PTPRF: variants seen among roughly 807,000 people sequenced by gnomAD.
The protein encoded by PTPRF is protein tyrosine phosphatase receptor type F.
A neutral mutation model predicts 201.8 loss-of-function variants in PTPRF; 59 were observed. The observed-to-expected ratio is 0.29, with a 90% CI of 0.24 to 0.36. The LOEUF (loss-of-function observed/expected upper bound fraction) is 0.36. Ranked by LOEUF, PTPRF falls within the 10% of genes least tolerant of loss-of-function variation. The pLI, the probability that PTPRF is intolerant of heterozygous loss-of-function variation, is 1.00. For missense variants in PTPRF, 2,132 were observed against 2,690.5 expected (o/e 0.79, Z 4.59); for synonymous variants, 1,088 against 1,089.7 (o/e 1.00, Z 0.03).
chr1:43,617,577 A>G lies in PTPRF; in HGVS notation c.4195+9A>G. 6.2e-7 allele frequency: 1 copy of G among 1,613,780 alleles called. No homozygotes were observed. The highest frequency in any genetic ancestry group is 8.5e-7 in the Non-Finnish European group (1 of 1,179,926). On this transcript the variant is annotated intron_variant, in intron 24 of 33. Coordinates refer to ENST00000359947, the MANE Select transcript of PTPRF (RefSeq NM_002840.5). ...CCTTACCTCTATCGATGGTGAGCCA[A>G]GGGGGTGCCCCTCCCATCCCCTTGC... is the stretch of plus-strand genomic sequence containing the variant.
At chr1:43,615,337 C>A (rs1292053142) in intron 23 of PTPRF, among the ~76,000 whole-genome samples, 1 of 152,180 alleles carries the variant, frequency 6.6e-6, no homozygotes, top group Non-Finnish European at 1.5e-5. Context: ...TCATCTGTAC[C>A]ATGTCCTACA....
chr1:43,567,427 A>G (rs1252000637), intron 5 of PTPRF, among the ~76,000 whole-genome samples: 5 of 152,334 alleles, frequency 3.3e-5, no homozygotes, highest in African/African-American at 1.2e-4. Flanking sequence ...CCAAGGAGAC[A>G]CTGGGTTTAT....
At chr1:43,606,105 G>A in intron 19 of PTPRF, 135 bp from the exon 20 acceptor site, 1 of 916,840 alleles carries the variant, frequency 1.1e-6, no homozygotes, top group Non-Finnish European at 1.6e-6. Flanking sequence ...GGGGCAGTGG[G>A]TTGGGCAGGT....
At chr1:43,590,334 C>G (rs545177672) in intron 8 of PTPRF, among the ~76,000 whole-genome samples, 2 of 152,330 alleles carry the variant, frequency 1.3e-5, no homozygotes, top group African/African-American at 4.8e-5. Flanking sequence ...CTCTCTTGTA[C>G]TGAGGTGTAA....
chr1:43,608,565 C>G (rs1655700105), intron 21 of PTPRF, among the ~76,000 whole-genome samples: 1 of 152,334 alleles, frequency 6.6e-6, no homozygotes, highest in African/African-American at 2.4e-5. Context: ...TGCTTCTTCT[C>G]TGGGGCACAT....
chr1:43,598,346 G>C (rs1652898479), intron 12 of PTPRF: 1 of 462,880 alleles, frequency 2.2e-6, no homozygotes, highest in African/African-American at 2.0e-5. Context: ...GATACTCAAA[G>C]TAGAATCAGC....
At position 43,541,742 on chromosome 1, in the gene PTPRF, A is replaced by G. The variant is rs1279871395; in HGVS notation, c.-45-3289A>G. On this transcript the variant is annotated intron_variant, in intron 2 of 33. Transcript: ENST00000359947. ...GCAGTTGGCAGCTTTACACTGACGT[A>G]GCAAAGGAAAAGGATATATTAAAAC... is the stretch of plus-strand genomic sequence containing the variant. 9.8e-5 allele frequency among the ~76,000 whole-genome samples: 15 copies of G among 152,372 alleles called. No homozygotes were observed. In the East Asian group the frequency reaches 2.7e-3, roughly 27 times the overall value.
chr1:43,605,418 C>T lies in PTPRF; in HGVS notation c.3364C>T (p.His1122Tyr), dbSNP rs1316134423. Residue 1122 changes from histidine to tyrosine, a missense_variant, in exon 18 of 34, where the codon CAT (histidine) becomes TAT (tyrosine). Around this residue, in one of 6 missense-constraint regions of PTPRF, gnomAD observed 818 missense variants for 915.3 expected, o/e 0.89. Coordinates refer to ENST00000359947, the MANE Select transcript of PTPRF (RefSeq NM_002840.5). ...EDGRFDLSMP[H>Y]VQDPSLVRWF... ...CGGCCGCTTCGATCTCTCCATGCCC[C>T]ATGTGCAAGACCCCTCGCTTGTCAG... 1.9e-6 allele frequency: 3 copies of T among 1,611,780 alleles called. No individual in the cohort carries two copies. The highest frequency in any genetic ancestry group is 3.3e-5 in the Admixed American group (2 of 59,992).
chr1:43,583,848 A>G (rs1342724201), intron 7 of PTPRF, among the ~76,000 whole-genome samples: 1 of 152,156 alleles, frequency 6.6e-6, no homozygotes, highest in Non-Finnish European at 1.5e-5. Flanking sequence ...CTTCCCAGCT[A>G]GCTCCCGTGT....
chr1:43,553,233 G>T lies in PTPRF; in HGVS notation c.92-259G>T, dbSNP rs765678945. On this transcript the variant is annotated intron_variant, in intron 3 of 33. Coordinates refer to ENST00000359947, the MANE Select transcript of PTPRF (RefSeq NM_002840.5). The surrounding 1 kb of genome is among the most constrained non-coding windows in gnomAD (Gnocchi z 4.1). ...CTTAGCTCTACCACTTACCAGCTGT[G>T]TCATATGGGACAAATCCCTTAACCT... is the stretch of plus-strand genomic sequence containing the variant. Among the ~76,000 whole-genome samples the T allele has an allele frequency of 7.9e-5, 12 of 152,196 alleles. No individual in the cohort carries two copies. The highest frequency in any genetic ancestry group is 1.6e-4 in the Non-Finnish European group (11 of 68,038).
intron 11 of PTPRF, among the ~76,000 whole-genome samples, chr1:43,597,379 A>T (rs1652587185): frequency 6.6e-6 from 1 of 152,130 alleles, no homozygotes; most frequent in Admixed American, 6.5e-5. Flanking sequence ...ACACTGTGAG[A>T]CACCAAGACA....
intron 21 of PTPRF, among the ~76,000 whole-genome samples, chr1:43,607,822 G>T (rs1276627174): frequency 6.6e-6 from 1 of 152,216 alleles, no homozygotes; most frequent in Non-Finnish European, 1.5e-5. Flanking sequence ...TCCATGCTCT[G>T]GTGCCTGCAA....
At position 43,588,251 on chromosome 1, in the gene PTPRF, C is replaced by T. The variant is rs1300419376; in HGVS notation, c.680-480C>T. ...TGACTCCACGGCAGGTGGCTGTGTC[C>T]CTCTGGACTGGCCTTCTGCTCTGCC... is the stretch of plus-strand genomic sequence containing the variant. On this transcript the variant is annotated intron_variant, in intron 7 of 33. Coordinates refer to ENST00000359947, the MANE Select transcript of PTPRF (RefSeq NM_002840.5). This position sits in a 1 kb window ranked among gnomAD's most constrained non-coding sequence, Gnocchi z 5.3. 6.6e-6 allele frequency among the ~76,000 whole-genome samples: 1 copy of T among 152,174 alleles called. No homozygotes were observed. The highest frequency in any genetic ancestry group is 2.4e-5 in the African/African-American group (1 of 41,444).
chr1:43,604,067 G>T lies in PTPRF; in HGVS notation c.2915G>T (p.Arg972Leu), dbSNP rs753655848. 6.2e-7 allele frequency: 1 copy of T among 1,614,188 alleles called. No individual in the cohort carries two copies. The highest frequency in any genetic ancestry group is 2.2e-5 in the East Asian group (1 of 44,888). Reference sequence around the variant, plus strand: ...CTGCAGAACATCACGACAGACACCCGCTTTACCCTTACTGGCCTCAAGCCA... The same window carrying T: ...CTGCAGAACATCACGACAGACACCCTCTTTACCCTTACTGGCCTCAAGCCA... ...QELQNITTDT[R>L]FTLTGLKPDT... Residue 972 changes from arginine (R) to leucine (L), a missense_variant, in exon 16 of 34, where the codon CGC (arginine) becomes CTC (leucine). Coordinates refer to ENST00000359947, the MANE Select transcript of PTPRF (RefSeq NM_002840.5).
chr1:43,588,682 G>A lies in PTPRF; in HGVS notation c.680-49G>A. On this transcript the variant is annotated intron_variant, in intron 7 of 33. Transcript: ENST00000359947. This position sits in a 1 kb window ranked among gnomAD's most constrained non-coding sequence, Gnocchi z 5.3. ...TGAGGGGCCCCTGCCCTTCCATGCA[G>A]TCGTGTGTCCTGCCCGGCCTGTGAG... 1 of 1,600,670 alleles carries A rather than the reference G, an allele frequency of 6.2e-7. No individual in the cohort carries two copies. Among genetic ancestry groups the A allele is most frequent in the Non-Finnish European group, 8.5e-7 (1 of 1,175,072 alleles).
chr1:43,620,592 AT>A lies in PTPRF; in HGVS notation c.5364+15del. ...CACGGATGCCCGGGTGAGTGAGTGC[AT>A]TGAGTGTGTCCATAACGCTGCCTGT... On this transcript the variant is annotated intron_variant, in intron 31 of 33. Transcript: ENST00000359947. 5 of 1,612,524 alleles carry A rather than the reference AT, an allele frequency of 3.1e-6. No individual in the cohort carries two copies. The highest frequency in any genetic ancestry group is 1.1e-5 in the South Asian group (1 of 90,820).
intron 16 of PTPRF, 106 bp from the exon 17 acceptor site, chr1:43,604,796 CT>C (rs1268432589): frequency 2.1e-6 from 2 of 942,084 alleles, no homozygotes; most frequent in East Asian, 4.8e-5. Flanking sequence ...CTTCAACCCC[CT>C]GTTCCCCAAC....
chr1:43,585,215 G>A (rs1648813529), intron 7 of PTPRF, among the ~76,000 whole-genome samples: 1 of 152,206 alleles, frequency 6.6e-6, no homozygotes, highest in African/African-American at 2.4e-5. Flanking sequence ...GCCTGCAGCA[G>A]TGGGTGGAGG....
intron 20 of PTPRF, 104 bp from the exon 21 acceptor site, chr1:43,606,710 C>T (rs2154026728): frequency 6.8e-7 from 1 of 1,472,656 alleles, no homozygotes; most frequent in East Asian, 2.3e-5. Context: ...GGAGACCAGG[C>T]CCAGGGTAAC....
Sources: gnomAD v4.1 joint callset for allele counts (sites outside exome capture counted in the v4.1 genomes callset) on GRCh38, gnomAD v4.1.1 for gene constraint, gnomAD v4.1.1 regional missense constraint, Gnocchi (gnomAD v3.1) non-coding constraint, MANE v1.5 for transcripts, NCBI Gene and HGNC (gene_info 2026-07-23, HGNC 2026-07-21) for gene names.